Variants in ADAM2 observed in about 807,000 individuals in gnomAD.
The protein encoded by ADAM2 is disintegrin and metalloproteinase domain-containing protein 2.
Under a neutral mutation model 99.3 loss-of-function variants are expected in ADAM2, and 101 were observed. The ratio of observed to expected loss-of-function variants is 1.02; its 90% CI spans 0.87 to 1.20. The LOEUF is 1.20. Among genes scored for constraint, ADAM2 ranks in the 50% most tolerant of loss-of-function variants. The pLI, the probability that ADAM2 is intolerant of heterozygous loss-of-function variation, is 0.00. For synonymous variants in ADAM2, 323 were observed against 287.6 expected (o/e 1.12, Z -1.25); for missense variants, 948 against 878.7 (o/e 1.08, Z -1.00).
At chr8:39,778,449 T>C (rs1803086678) in intron 10 of ADAM2, among the ~76,000 whole-genome samples, 1 of 152,124 alleles carries the variant, frequency 6.6e-6, no homozygotes, top group African/African-American at 2.4e-5. Flanking sequence ...TACGTCTCTT[T>C]GAACCCTTGA....
At chr8:39,830,477 C>T (rs1175619091) in intron 3 of ADAM2, among the ~76,000 whole-genome samples, 1 of 152,042 alleles carries the variant, frequency 6.6e-6, no homozygotes, top group African/African-American at 2.4e-5. Context: ...TTTACTGTCT[C>T]CCCTTTGCCA....
In ADAM2 at chr8:39,833,420, A is replaced by G. The variant is rs78346789; in HGVS notation, c.188+524T>C. On this transcript the variant is annotated intron_variant, in intron 3 of 20. Coordinates refer to ENST00000265708, the MANE Select transcript of ADAM2 (RefSeq NM_001464.5). ...TCTTATCACTAGAAGAATCATTTCA[A>G]TTTTCACTTTTCTTTATTTCTTAGT... Among the ~76,000 whole-genome samples, 108 of 152,160 alleles carry G rather than the reference A, an allele frequency of 7.1e-4. 1 individual carries two copies. The East Asian group carries it at 0.02, about 28-fold the overall frequency.
At position 39,804,758 on chromosome 8, in the gene ADAM2, G is replaced by A. The variant is rs532481101; in HGVS notation, c.570+4652C>T. 3.3e-5 allele frequency among the ~76,000 whole-genome samples: 5 copies of A among 152,198 alleles called. No individual in the cohort carries two copies. The East Asian group carries it at 9.6e-4, about 29-fold the overall frequency. On this transcript the variant is annotated intron_variant, in intron 7 of 20. Transcript: ENST00000265708. ...AAACACTTCAGTAAAAAATAAGTAT[G>A]GTAAAGTTTAAAAATAGCTTCATAT...
intron 10 of ADAM2, among the ~76,000 whole-genome samples, chr8:39,781,490 T>C (rs1337955208): frequency 6.6e-6 from 1 of 152,216 alleles, no homozygotes; most frequent in Admixed American, 6.5e-5. Flanking sequence ...ATTAAGTATT[T>C]ATTATTTTAT....
At chr8:39,779,704 A>T (rs573241343) in intron 10 of ADAM2, among the ~76,000 whole-genome samples, 1 of 152,186 alleles carries the variant, frequency 6.6e-6, no homozygotes, top group Non-Finnish European at 1.5e-5. Flanking sequence ...TTTTCAAATA[A>T]TAACAGCAAC....
intron 14 of ADAM2, among the ~76,000 whole-genome samples, chr8:39,763,173 C>T (rs1238554820): frequency 6.6e-6 from 1 of 151,638 alleles, no homozygotes; most frequent in African/African-American, 2.4e-5. Context: ...TACCAGGTGG[C>T]TAGGGCTACT....
rs114264030 is a variant in ADAM2 at position 39,828,317 on chromosome 8, A to C, written c.189-3420T>G. On this transcript the variant is annotated intron_variant, in intron 3 of 20. Coordinates refer to ENST00000265708, the MANE Select transcript of ADAM2 (RefSeq NM_001464.5). Reference sequence around the variant, plus strand: ...AAGCAGAGGGTAAAGGGTGTTAGAGATTTAAGGATCTAAAAACATATGGTA... The same window carrying C: ...AAGCAGAGGGTAAAGGGTGTTAGAGCTTTAAGGATCTAAAAACATATGGTA... Among the ~76,000 whole-genome samples the C allele has an allele frequency of 4.6e-3, 702 of 151,940 alleles. 9 individuals are homozygous for C. The highest frequency in any genetic ancestry group is 0.016 in the African/African-American group (664 of 41,538).
chr8:39,752,007 A>G (rs1393385578), intron 16 of ADAM2, among the ~76,000 whole-genome samples: 2 of 152,004 alleles, frequency 1.3e-5, no homozygotes, highest in African/African-American at 4.8e-5. Flanking sequence ...TAATTTTTGT[A>G]TTTTCAGTAG....
intron 6 of ADAM2, among the ~76,000 whole-genome samples, chr8:39,810,698 G>T (rs1457257926): frequency 6.6e-6 from 1 of 152,138 alleles, no homozygotes. Flanking sequence ...GGTACATAAC[G>T]AAATGAAGGC....
chr8:39,792,826 T>C (rs545263837), intron 7 of ADAM2, among the ~76,000 whole-genome samples: 5 of 152,120 alleles, frequency 3.3e-5, no homozygotes, highest in Non-Finnish European at 5.9e-5. Flanking sequence ...GGTCTATGCA[T>C]GTTGAGCCCA....
At chr8:39,745,616 G>A (rs1454573853) in intron 19 of ADAM2, among the ~76,000 whole-genome samples, 1 of 151,962 alleles carries the variant, frequency 6.6e-6, no homozygotes, top group African/African-American at 2.4e-5. Context: ...TAGACTAGCT[G>A]TGGCTATCAT....
intron 7 of ADAM2, among the ~76,000 whole-genome samples, chr8:39,796,226 G>A (rs1290932210): frequency 6.6e-6 from 1 of 151,906 alleles, no homozygotes; most frequent in Non-Finnish European, 1.5e-5. Context: ...GGTATGTGTT[G>A]TTCCACTCTC....
intron 6 of ADAM2, among the ~76,000 whole-genome samples, chr8:39,811,435 GCAT>G: frequency 6.6e-6 from 1 of 152,176 alleles, no homozygotes. Flanking sequence ...TATGAGGCCA[GCAT>G]CATCCTGATA....
intron 2 of ADAM2, among the ~76,000 whole-genome samples, chr8:39,836,538 C>CAA (rs542193345): frequency 7.1e-6 from 1 of 140,378 alleles, no homozygotes. Flanking sequence ...GCTACCAAAC[C>CAA]AAAAAAAAAA....
chr8:39,785,352 C>T (rs563828087), intron 10 of ADAM2, among the ~76,000 whole-genome samples: 2 of 152,182 alleles, frequency 1.3e-5, no homozygotes, highest in South Asian at 2.1e-4. Context: ...GCTCTTATTA[C>T]AAAATAAAAA....
At chr8:39,833,915 G>T (rs1805714679) in intron 3 of ADAM2, 29 bp downstream of exon 3, 3 of 1,181,392 alleles carry the variant, frequency 2.5e-6, no homozygotes, top group Non-Finnish European at 3.8e-6. Flanking sequence ...AGAACAAAGA[G>T]AATTGATAAA....
At chr8:39,775,022 G>A (rs1312478689) in intron 11 of ADAM2, among the ~76,000 whole-genome samples, 1 of 151,992 alleles carries the variant, frequency 6.6e-6, no homozygotes, top group Non-Finnish European at 1.5e-5. Context: ...AGGAAAGGTC[G>A]ATATCAGCAT....
rs766623767 is a variant in ADAM2 at position 39,821,058 on chromosome 8, A to G, written c.457T>C (p.Tyr153His). The G allele has an allele frequency of 3.1e-6, 5 of 1,607,514 alleles. No homozygotes were observed. Among genetic ancestry groups the G allele is most frequent in the Admixed American group, 1.7e-5 (1 of 59,830 alleles). The change falls in exon 6 of 21, where the codon TAT becomes CAT. Residue 153 changes from tyrosine (Y) to histidine (H), a missense_variant. Transcript: ENST00000265708. ...CTTGATTCAATATCCTTCTCATTAT[A>G]TAAGGAAACATCTGCTTTCTTATGT... ...VKHKKADVSLYNEKDIESRDL... is the reference protein window; with the variant it reads ...VKHKKADVSLHNEKDIESRDL...
intron 3 of ADAM2, among the ~76,000 whole-genome samples, chr8:39,825,215 G>A (rs1805350642): frequency 1.3e-5 from 2 of 152,042 alleles, no homozygotes; most frequent in Non-Finnish European, 2.9e-5. Flanking sequence ...TTAAGTCTTT[G>A]CTTATACATC....
Sources: gnomAD v4.1 joint callset for allele counts (sites outside exome capture counted in the v4.1 genomes callset) on GRCh38, gnomAD v4.1.1 for gene constraint, MANE v1.5 for transcripts, NCBI Gene and HGNC (gene_info 2026-07-23, HGNC 2026-07-21) for gene names.